MIOS: variants seen among roughly 807,000 people sequenced by gnomAD.
MIOS encodes the protein GATOR2 complex protein MIOS.
In MIOS, 52 loss-of-function variants were observed where a neutral mutation model predicts 96.9. The observed-to-expected ratio is 0.54, with a 90% CI of 0.43 to 0.68. The LOEUF is 0.68. Ranked by LOEUF, MIOS falls within the 30% of genes least tolerant of loss-of-function variation. The pLI, the probability that MIOS is intolerant of heterozygous loss-of-function variation, is 0.00. For synonymous variants in MIOS, 397 were observed against 359.5 expected (o/e 1.10, Z -1.18); for missense variants, 1,005 against 1,052.8 (o/e 0.95, Z 0.63).
intron 7 of MIOS, 41 bp downstream of exon 7, chr7:7,585,846 A>G (rs780319502): frequency 6.6e-7 from 1 of 1,511,916 alleles, no homozygotes; most frequent in Non-Finnish European, 8.9e-7. Flanking sequence ...TTGAATTAAG[A>G]TAGGAGTTTT....
intron 7 of MIOS, among the ~76,000 whole-genome samples, chr7:7,586,670 TAATA>T (rs1413924118): frequency 6.6e-6 from 1 of 152,244 alleles, no homozygotes; most frequent in Non-Finnish European, 1.5e-5. Flanking sequence ...ATGAAATGTT[TAATA>T]AATGTGTATT....
intron 11 of MIOS, 24 bp downstream of exon 11, chr7:7,596,485 C>CT (rs1563039705): frequency 6.4e-7 from 1 of 1,569,220 alleles, no homozygotes; most frequent in Admixed American, 1.7e-5. Flanking sequence ...TTACAAAATA[C>CT]TTTTATGAAC....
rs1563052253 is a variant in MIOS at position 7,607,523 on chromosome 7, G to A, written c.*431G>A. The A allele has an allele frequency of 6.5e-6, 1 of 153,494 alleles. No homozygotes were observed. Among genetic ancestry groups the A allele is most frequent in the Non-Finnish European group, 1.4e-5 (1 of 69,044 alleles). The allele number at this position is 153,494 out of a possible 1,614,324, so 9.5% of individuals were successfully genotyped here. The stretch of plus-strand genomic sequence containing the variant: ...TCAGACAATAGTTTTAAGTTCAGCT[G>A]TGCTTAGATTTCTTTCAGATTAATT... On this transcript the variant is annotated 3_prime_UTR_variant, in exon 13 of 13. Coordinates refer to ENST00000340080, the MANE Select transcript of MIOS (RefSeq NM_019005.4).
At chr7:7,586,384 A>G (rs1027642702) in intron 7 of MIOS, among the ~76,000 whole-genome samples, 5 of 152,176 alleles carry the variant, frequency 3.3e-5, no homozygotes, top group African/African-American at 9.7e-5. Flanking sequence ...TCATAACACA[A>G]TCAAATAGGT....
rs1367256777 is a variant in MIOS, at chr7:7,583,162, C to G, written c.1438C>G (p.Gln480Glu). Residue 480 changes from glutamine (Q) to glutamate (E), a missense_variant, in exon 6 of 13, where the codon CAA becomes GAA. Coordinates refer to ENST00000340080, the MANE Select transcript of MIOS (RefSeq NM_019005.4). ...ACATAATTGGAGTGGGTTGGATAAGCAAAGTGATATTCAAAATTTAAATGA... is the reference window on the plus strand; with the variant it reads ...ACATAATTGGAGTGGGTTGGATAAGGAAAGTGATATTCAAAATTTAAATGA... ...SRHNWSGLDKQSDIQNLNEER... is the reference protein window; with the variant it reads ...SRHNWSGLDKESDIQNLNEER... 16 of 1,613,850 alleles carry G rather than the reference C, an allele frequency of 9.9e-6. No homozygotes were observed. Among genetic ancestry groups the G allele is most frequent in the African/African-American group, 1.3e-5 (1 of 74,894 alleles).
In MIOS at chr7:7,607,251, T is replaced by G; in HGVS notation, c.*159T>G. 3.6e-6 allele frequency: 2 copies of G among 556,946 alleles called. No homozygotes were observed. Among genetic ancestry groups the G allele is most frequent in the South Asian group, 4.8e-5 (2 of 41,418 alleles). 34.5% of individuals were successfully genotyped at this position (556,946 alleles called of 1,614,324 possible). A position where few individuals can be genotyped will look rare whatever the true frequency, so the allele number is the denominator to read the frequency against. On this transcript the variant is annotated 3_prime_UTR_variant, in exon 13 of 13. Transcript: ENST00000340080. ...AGCAGTTTTGATGTTTGAGTGATTT[T>G]GATATGCTTCACAGAGACAAATGCT...
At chr7:7,599,009 T>G (rs558313540) in intron 11 of MIOS, among the ~76,000 whole-genome samples, 3 of 152,214 alleles carry the variant, frequency 2.0e-5, no homozygotes, top group South Asian at 4.1e-4. Context: ...TGTGCTGAGA[T>G]GAATAAATCA....
chr7:7,597,488 ATATATATATATATATATATATATAT>A lies in MIOS; in HGVS notation c.2401+1028_2401+1052del, dbSNP rs1563040880. On this transcript the variant is annotated intron_variant, in intron 11 of 12. Transcript: ENST00000340080. ...TAAATTTATATATATATATATATAT[ATATATATATATATATATATATATAT>A]ATATGAAGGCAATACGTAATGTTTT... Among the ~76,000 whole-genome samples the A allele has an allele frequency of 3.3e-3, 200 of 60,384 alleles. 16 individuals carry two copies. The highest frequency in any genetic ancestry group is 5.9e-3 in the Non-Finnish European group (166 of 28,296). 39.6% of individuals were successfully genotyped at this position (60,384 alleles called of 152,430 possible).
intron 6 of MIOS, 95 bp from the exon 7 acceptor site, chr7:7,585,541 A>G: frequency 2.6e-6 from 3 of 1,157,622 alleles, no homozygotes; most frequent in Non-Finnish European, 3.5e-6. Flanking sequence ...CTGAGGGTAA[A>G]AGTCACCCTC....
chr7:7,577,265 C>T lies in MIOS; in HGVS notation c.1393+3069C>T, dbSNP rs545541810. Among the ~76,000 whole-genome samples, 20 of 152,274 alleles carry T rather than the reference C, an allele frequency of 1.3e-4. No homozygotes were observed. In the East Asian group the frequency reaches 3.9e-3, roughly 29 times the overall value. On this transcript the variant is annotated intron_variant, in intron 5 of 12. Transcript: ENST00000340080. ...GAGGTCAGTTGTCCGGTGCTCCATG[C>T]TTCAGATCCAGCCAAATAAGAACTA... is the stretch of plus-strand genomic sequence containing the variant.
At position 7,607,396 on chromosome 7, in the gene MIOS, A is replaced by G. The variant is rs1784562357; in HGVS notation, c.*304A>G. 1.1e-5 allele frequency: 2 copies of G among 190,236 alleles called. No individual in the cohort carries two copies. Among genetic ancestry groups the G allele is most frequent in the Non-Finnish European group, 2.1e-5 (2 of 93,480 alleles). The allele number at this position is 190,236 out of a possible 1,614,324, so 11.8% of individuals were successfully genotyped here. A position where few individuals can be genotyped will look rare whatever the true frequency, so the allele number is the denominator to read the frequency against. ...AACACTCTAGAAGCAGAATTTCTGG[A>G]AGAGCCAAGAACAGACTTTGAGCCT... On this transcript the variant is annotated 3_prime_UTR_variant, in exon 13 of 13. Coordinates refer to ENST00000340080, the MANE Select transcript of MIOS (RefSeq NM_019005.4).
rs756613026 is a variant in MIOS at position 7,589,580 on chromosome 7, A to G, written c.2043+17A>G. The G allele has an allele frequency of 1.8e-5, 28 of 1,562,038 alleles. No individual in the cohort carries two copies. Among genetic ancestry groups the G allele is most frequent in the Middle Eastern group, 3.4e-4 (2 of 5,840 alleles). ...ATGTTACAGGTCAGTGCAGTTTGAC[A>G]GCAGCTTTTAAAAAAGTAACAATAT... On this transcript the variant is annotated intron_variant, in intron 9 of 12. Coordinates refer to ENST00000340080, the MANE Select transcript of MIOS (RefSeq NM_019005.4).
chr7:7,597,508 ATATATAT>A (rs1563041088), intron 11 of MIOS, among the ~76,000 whole-genome samples: 1,692 of 59,654 alleles, frequency 0.028, 343 homozygotes, highest in African/African-American at 0.044. Flanking sequence ...ATATATATAT[ATATATAT>A]ATGAAGGCAA....
chr7:7,600,136 C>T (rs1271004047), intron 11 of MIOS, among the ~76,000 whole-genome samples: 2 of 151,708 alleles, frequency 1.3e-5, no homozygotes, highest in African/African-American at 4.8e-5. Flanking sequence ...ACCTGTATAA[C>T]AAACCTGCAC....
intron 11 of MIOS, among the ~76,000 whole-genome samples, chr7:7,603,821 A>C (rs1373465405): frequency 6.6e-6 from 1 of 152,112 alleles, no homozygotes; most frequent in Non-Finnish European, 1.5e-5. Context: ...CCAGATATCC[A>C]ACAATGATAG....
chr7:7,569,266 G>C (rs1439799659), intron 3 of MIOS, among the ~76,000 whole-genome samples: 6 of 152,084 alleles, frequency 3.9e-5, no homozygotes, highest in African/African-American at 1.4e-4. Flanking sequence ...CTTAAATTTT[G>C]AAACTCTTTT....
rs536055969 is a variant in MIOS at position 7,607,150 on chromosome 7, A to G, written c.*58A>G. The G allele has an allele frequency of 7.5e-5, 99 of 1,326,876 alleles. No individual in the cohort carries two copies. The highest frequency in any genetic ancestry group is 7.3e-5 in the Non-Finnish European group (69 of 941,258). The allele number at this position is 1,326,876 out of a possible 1,614,324, so 82.2% of individuals were successfully genotyped here. A position where few individuals can be genotyped will look rare whatever the true frequency, so the allele number is the denominator to read the frequency against. Reference sequence around the variant, plus strand: ...TGGAGCTTTCTAGTAGGTGTCCTTCATAGCTCAGAAACATACCTCAGAACA... The same window carrying G: ...TGGAGCTTTCTAGTAGGTGTCCTTCGTAGCTCAGAAACATACCTCAGAACA... On this transcript the variant is annotated 3_prime_UTR_variant, in exon 13 of 13. Coordinates refer to ENST00000340080, the MANE Select transcript of MIOS (RefSeq NM_019005.4).
intron 9 of MIOS, among the ~76,000 whole-genome samples, chr7:7,594,459 T>C (rs1324774595): frequency 2.6e-5 from 4 of 152,128 alleles, no homozygotes. Context: ...CACACCTGGC[T>C]AATTTTTGTA....
chr7:7,581,043 C>A (rs1353786441), intron 5 of MIOS, among the ~76,000 whole-genome samples: 1 of 149,602 alleles, frequency 6.7e-6, no homozygotes, highest in Non-Finnish European at 1.5e-5. Flanking sequence ...AAAAATAGGC[C>A]GGGCACGGTG....
Sources: gnomAD v4.1 joint callset for allele counts (sites outside exome capture counted in the v4.1 genomes callset) on GRCh38, gnomAD v4.1.1 for gene constraint, MANE v1.5 for transcripts, NCBI Gene and HGNC (gene_info 2026-07-23, HGNC 2026-07-21) for gene names.